Variants in CSNK1G3 observed in about 807,000 individuals in gnomAD.
CSNK1G3 encodes casein kinase I isoform gamma-3.
CSNK1G3 carries 23 observed loss-of-function variants against 64.3 expected under a neutral mutation model. The observed-to-expected ratio is 0.36, with a 90% CI of 0.26 to 0.51. CSNK1G3 has a LOEUF of 0.51. Among genes scored for constraint, CSNK1G3 ranks in the 20% least tolerant of loss-of-function variants. The pLI is 0.96. For missense variants in CSNK1G3, 357 were observed against 510.5 expected, an observed-to-expected ratio of 0.70 and a Z score of 2.90; for synonymous variants, 158 against 162.2, an observed-to-expected ratio of 0.97 and a Z score of 0.20.
intron 4 of CSNK1G3, among the ~76,000 whole-genome samples, chr5:123,568,376 C>T (rs942552856): frequency 3.3e-5 from 5 of 152,044 alleles, no homozygotes; most frequent in East Asian, 1.9e-4. Context: ...TGGTTGTCAC[C>T]GGTTGTCATG....
At chr5:123,590,519 T>C in exon 9 of CSNK1G3, 1 of 1,529,662 alleles carries the variant, frequency 6.5e-7, no homozygotes, top group Non-Finnish European at 8.7e-7. Flanking sequence ...GAAAAGGATA[T>C]ATGTTTGATT....
intron 1 of CSNK1G3, among the ~76,000 whole-genome samples, chr5:123,517,769 TA>T (rs1777422162): frequency 6.6e-6 from 1 of 152,142 alleles, no homozygotes; most frequent in Non-Finnish European, 1.5e-5. Context: ...TTAGTTGTAA[TA>T]AAATGTATAG....
At chr5:123,600,039 T>C (rs535272827) in intron 10 of CSNK1G3, among the ~76,000 whole-genome samples, 2 of 152,260 alleles carry the variant, frequency 1.3e-5, no homozygotes, top group African/African-American at 4.8e-5. Flanking sequence ...GTATCAATTA[T>C]ACCTTTAGTC....
At chr5:123,515,922 A>G (rs780664883) in intron 1 of CSNK1G3, among the ~76,000 whole-genome samples, 7 of 152,230 alleles carry the variant, frequency 4.6e-5, no homozygotes, top group Non-Finnish European at 1.0e-4. Context: ...TTTTGAGAGC[A>G]GGAAACAGTC....
intron 1 of CSNK1G3, among the ~76,000 whole-genome samples, chr5:123,533,488 A>T (rs1235437548): frequency 1.3e-5 from 2 of 151,612 alleles, no homozygotes; most frequent in African/African-American, 4.8e-5. Flanking sequence ...AGCTTAGGAA[A>T]ATTTTCTTTT....
At chr5:123,564,319 A>G (rs1220619333) in intron 4 of CSNK1G3, among the ~76,000 whole-genome samples, 1 of 152,054 alleles carries the variant, frequency 6.6e-6, no homozygotes, top group African/African-American at 2.4e-5. Context: ...TTCAATGATT[A>G]ATTAAGCACA....
chr5:123,572,060 G>A (rs549450824), intron 4 of CSNK1G3, among the ~76,000 whole-genome samples: 4 of 152,320 alleles, frequency 2.6e-5, no homozygotes, highest in Middle Eastern at 3.4e-3. Context: ...GCCTCAGTCT[G>A]AAGTTGGACA....
At chr5:123,524,675 A>G (rs1252099254) in intron 1 of CSNK1G3, among the ~76,000 whole-genome samples, 2 of 152,270 alleles carry the variant, frequency 1.3e-5, no homozygotes, top group African/African-American at 4.8e-5. Context: ...TCAAGAAGAA[A>G]AACTTATAGT....
At chr5:123,582,485 C>T (rs889462647) in intron 6 of CSNK1G3, among the ~76,000 whole-genome samples, 13 of 152,000 alleles carry the variant, frequency 8.6e-5, no homozygotes, top group Admixed American at 2.6e-4. Context: ...ACTCTTAATA[C>T]GTGTTGATTA....
At chr5:123,597,226 A>G (rs1047682265) in intron 10 of CSNK1G3, among the ~76,000 whole-genome samples, 2 of 152,184 alleles carry the variant, frequency 1.3e-5, no homozygotes, top group African/African-American at 4.8e-5. Context: ...TGCAATGGTC[A>G]TTAAATCACC....
intron 2 of CSNK1G3, among the ~76,000 whole-genome samples, chr5:123,550,275 A>G (rs1783378716): frequency 6.6e-6 from 1 of 152,200 alleles, no homozygotes; most frequent in Admixed American, 6.5e-5. Flanking sequence ...TGCATCCTTA[A>G]TATGTGACTT....
chr5:123,571,293 T>A (rs183409771), intron 4 of CSNK1G3, among the ~76,000 whole-genome samples: 1 of 152,300 alleles, frequency 6.6e-6, no homozygotes, highest in Non-Finnish European at 1.5e-5. Context: ...TGTTTTGTTT[T>A]GTTTTTTTGA....
exon 13 of CSNK1G3, chr5:123,616,151 C>A (rs1941758237): frequency 6.7e-6 from 1 of 148,538 alleles, no homozygotes; most frequent in Admixed American, 6.6e-5. Context: ...TCAACAGTTT[C>A]TATCTATCTG....
At chr5:123,537,609 T>C (rs1781052823) in intron 1 of CSNK1G3, among the ~76,000 whole-genome samples, 1 of 152,146 alleles carries the variant, frequency 6.6e-6, no homozygotes, top group Non-Finnish European at 1.5e-5. Context: ...ATAGTAATGG[T>C]GTGCTGGGGA....
At chr5:123,605,358 A>G (rs1795182076) in exon 12 of CSNK1G3, 3 of 1,609,766 alleles carry the variant, frequency 1.9e-6, no homozygotes, top group African/African-American at 1.3e-5. Flanking sequence ...AGTGTTGAAC[A>G]TGTGGTGAGT....
intron 6 of CSNK1G3, among the ~76,000 whole-genome samples, chr5:123,587,213 G>C (rs1226195844): frequency 6.6e-6 from 1 of 152,150 alleles, no homozygotes; most frequent in African/African-American, 2.4e-5. Flanking sequence ...TTGCTTTTCT[G>C]AAAGCATTAA....
At chr5:123,555,601 G>C (rs1784477618) in intron 3 of CSNK1G3, among the ~76,000 whole-genome samples, 1 of 152,092 alleles carries the variant, frequency 6.6e-6, no homozygotes, top group Non-Finnish European at 1.5e-5. Flanking sequence ...CCCTAGTTCA[G>C]ATCAACAGTT....
chr5:123,577,355 G>A (rs1052538772), intron 6 of CSNK1G3, among the ~76,000 whole-genome samples: 1 of 151,958 alleles, frequency 6.6e-6, no homozygotes, highest in Non-Finnish European at 1.5e-5. Context: ...GGAAATGTTT[G>A]TGCATATATG....
chr5:123,592,847 AAATT>A (rs1297264691), intron 10 of CSNK1G3, among the ~76,000 whole-genome samples: 1 of 151,888 alleles, frequency 6.6e-6, no homozygotes, highest in African/African-American at 2.4e-5. Context: ...CTTCATATAT[AAATT>A]AAAATTAGTT....
Sources: allele counts gnomAD v4.1 joint callset (sites outside exome capture counted in the v4.1 genomes callset), GRCh38; gene constraint gnomAD v4.1.1; transcripts MANE v1.5; gene names NCBI Gene and HGNC (gene_info 2026-07-23, HGNC 2026-07-21).